Variants in RTN4RL1 observed in about 807,000 individuals in gnomAD.
RTN4RL1 encodes reticulon-4 receptor-like 1.
Under a neutral mutation model 25.6 loss-of-function variants are expected in RTN4RL1, and 7 were observed. That is an observed-to-expected ratio of 0.27 (90% confidence interval 0.16 to 0.51). The LOEUF is 0.51. RTN4RL1 is among the 20% of genes least tolerant of loss of function. RTN4RL1 has a pLI of 0.97. For missense variants in RTN4RL1, 500 were observed against 615.6 expected (o/e 0.81, Z 1.99); for synonymous variants, 297 against 288.2 (o/e 1.03, Z -0.31).
In RTN4RL1 at chr17:1,962,652, G is replaced by A. The variant is rs746862919; in HGVS notation, c.14-24844C>T. 7.9e-5 allele frequency among the ~76,000 whole-genome samples: 12 copies of A among 152,050 alleles called. No individual in the cohort carries two copies. The East Asian group carries it at 2.0e-3, about 25-fold the overall frequency. The stretch of plus-strand genomic sequence containing the variant: ...GGCCGAGGCAGGTGGATCATTTGAG[G>A]TCAGGAGTTCGAGATCAGCCCGGCC... On this transcript the variant is annotated intron_variant, in intron 1 of 1. Coordinates refer to ENST00000331238, the MANE Select transcript of RTN4RL1 (RefSeq NM_178568.4).
intron 1 of RTN4RL1, among the ~76,000 whole-genome samples, chr17:2,006,651 C>T (rs921941245): frequency 6.7e-6 from 1 of 149,960 alleles, no homozygotes; most frequent in Admixed American, 6.6e-5. Context: ...GACAGTCTCT[C>T]GCTTTGTTGC....
At chr17:1,977,861 CG>C (rs2066849522) in intron 1 of RTN4RL1, among the ~76,000 whole-genome samples, 1 of 151,970 alleles carries the variant, frequency 6.6e-6, no homozygotes, top group African/African-American at 2.4e-5. Context: ...GGGTGGGAGC[CG>C]GGGTCGGGGG....
intron 1 of RTN4RL1, among the ~76,000 whole-genome samples, chr17:1,982,577 G>A (rs973962374): frequency 4.0e-5 from 6 of 151,664 alleles, no homozygotes; most frequent in Non-Finnish European, 7.4e-5. Context: ...TCGCGCCACT[G>A]CACTCCAGCC....
At chr17:1,968,237 T>A (rs1458945540) in intron 1 of RTN4RL1, among the ~76,000 whole-genome samples, 1 of 151,856 alleles carries the variant, frequency 6.6e-6, no homozygotes, top group Non-Finnish European at 1.5e-5. Flanking sequence ...CCCTCAGCAT[T>A]CCCCAAATGA....
At chr17:1,955,723 A>G (rs889208429) in intron 1 of RTN4RL1, among the ~76,000 whole-genome samples, 1 of 151,786 alleles carries the variant, frequency 6.6e-6, no homozygotes, top group Non-Finnish European at 1.5e-5. Context: ...AGCTGGGATT[A>G]CAGGCGCCCA....
intron 1 of RTN4RL1, among the ~76,000 whole-genome samples, chr17:1,969,903 G>A (rs1414539219): frequency 1.3e-5 from 2 of 152,116 alleles, no homozygotes; most frequent in Non-Finnish European, 2.9e-5. Flanking sequence ...GGTGTCTCAT[G>A]TGGTTGCAGT....
At chr17:2,015,977 G>A (rs1283266659) in intron 1 of RTN4RL1, among the ~76,000 whole-genome samples, 1 of 152,190 alleles carries the variant, frequency 6.6e-6, no homozygotes, top group Non-Finnish European at 1.5e-5. Context: ...CGGCCAGGGT[G>A]GCACCGAGGC....
At chr17:1,990,251 TG>T in intron 1 of RTN4RL1, among the ~76,000 whole-genome samples, 1 of 152,062 alleles carries the variant, frequency 6.6e-6, no homozygotes, top group East Asian at 1.9e-4. Flanking sequence ...CCCAGCTACT[TG>T]CGAGGCTGAG....
chr17:1,958,794 G>A (rs1567509489), intron 1 of RTN4RL1, among the ~76,000 whole-genome samples: 2 of 152,202 alleles, frequency 1.3e-5, no homozygotes, highest in South Asian at 2.1e-4. Flanking sequence ...GTCCTCCTCC[G>A]GAAGCCTGAA....
At chr17:2,009,201 T>G (rs2067025033) in intron 1 of RTN4RL1, among the ~76,000 whole-genome samples, 1 of 152,192 alleles carries the variant, frequency 6.6e-6, no homozygotes, top group South Asian at 2.1e-4. Context: ...GGCTCACACC[T>G]GTAATCCCAG....
chr17:1,937,878 G>C, intron 1 of RTN4RL1, 70 bp from the exon 2 acceptor site: 1 of 1,230,348 alleles, frequency 8.1e-7, no homozygotes. Flanking sequence ...ACCCTCCGGC[G>C]CCCGCCGAGG....
chr17:1,936,007 A>G lies in RTN4RL1; in HGVS notation c.*489T>C, dbSNP rs1915295412. On this transcript the variant is annotated 3_prime_UTR_variant, in exon 2 of 2. Transcript: ENST00000331238. ...AATTCAGGGCAGGGTGACTGGCCTC[A>G]GGCAAGAGCCAAGATGCCACCTGCT... 1.0e-6 allele frequency: 1 copy of G among 987,940 alleles called. No homozygotes were observed. The highest frequency in any genetic ancestry group is 1.2e-6 in the Non-Finnish European group (1 of 831,460). 61.2% of individuals were successfully genotyped at this position (987,940 alleles called of 1,614,324 possible). A position where few individuals can be genotyped will look rare whatever the true frequency, so the allele number is the denominator to read the frequency against.
At position 1,935,968 on chromosome 17, in the gene RTN4RL1, G is replaced by T. The variant is rs1915294243; in HGVS notation, c.*528C>A. On this transcript the variant is annotated 3_prime_UTR_variant, in exon 2 of 2. Transcript: ENST00000331238. ...GCTACCCCCGAGGGAGGGGCTGAAG[G>T]TGGAGTAGGATAGAATTCAGGGCAG... The T allele has an allele frequency of 1.0e-6, 1 of 985,956 alleles. No individual in the cohort carries two copies. Among genetic ancestry groups the T allele is most frequent in the African/African-American group, 1.7e-5 (1 of 57,302 alleles). The allele number at this position is 985,956 out of a possible 1,614,324, so 61.1% of individuals were successfully genotyped here. A position where few individuals can be genotyped will look rare whatever the true frequency, so the allele number is the denominator to read the frequency against.
At chr17:1,977,570 C>G (rs1049286145) in intron 1 of RTN4RL1, among the ~76,000 whole-genome samples, 1 of 152,118 alleles carries the variant, frequency 6.6e-6, no homozygotes, top group African/African-American at 2.4e-5. Flanking sequence ...AGGAACCACC[C>G]GCGGCTGGGA....
intron 1 of RTN4RL1, among the ~76,000 whole-genome samples, chr17:1,949,308 G>C (rs1285205121): frequency 1.3e-5 from 2 of 149,940 alleles, no homozygotes; most frequent in African/African-American, 4.9e-5. Flanking sequence ...TGTTGGCCAG[G>C]CTGGTCTCCA....
At chr17:2,013,332 G>A (rs2067073677) in intron 1 of RTN4RL1, among the ~76,000 whole-genome samples, 2 of 152,196 alleles carry the variant, frequency 1.3e-5, no homozygotes, top group Admixed American at 6.5e-5. Context: ...GGCAGGGGCT[G>A]TGTAGCAGAT....
intron 1 of RTN4RL1, among the ~76,000 whole-genome samples, chr17:2,000,803 C>T (rs1002409818): frequency 6.6e-6 from 1 of 151,914 alleles, no homozygotes; most frequent in Non-Finnish European, 1.5e-5. Context: ...TACAGGGGTG[C>T]GCCACTGCAG....
intron 1 of RTN4RL1, among the ~76,000 whole-genome samples, chr17:1,984,158 G>C (rs997883203): frequency 6.6e-6 from 1 of 152,224 alleles, no homozygotes; most frequent in East Asian, 1.9e-4. Context: ...CTCCTTTCGA[G>C]AAGCCGATAA....
At chr17:1,949,050 G>A (rs1412233058) in intron 1 of RTN4RL1, among the ~76,000 whole-genome samples, 1 of 152,234 alleles carries the variant, frequency 6.6e-6, no homozygotes, top group Middle Eastern at 3.4e-3. Flanking sequence ...TCCGCCTCCC[G>A]GGTTCAAGGC....
Sources: gnomAD v4.1 joint callset for allele counts (sites outside exome capture counted in the v4.1 genomes callset) on GRCh38, gnomAD v4.1.1 for gene constraint, MANE v1.5 for transcripts, NCBI Gene and HGNC (gene_info 2026-07-23, HGNC 2026-07-21) for gene names.